The following PDS5A variants were observed in gnomAD, a reference collection of about 807,000 sequenced individuals.
PDS5A encodes the protein sister chromatid cohesion protein PDS5 homolog A.
A neutral mutation model predicts 167.1 loss-of-function variants in PDS5A; 42 were observed. The observed-to-expected ratio is 0.25, with a 90% CI of 0.20 to 0.33. PDS5A has a LOEUF of 0.33. Ranked by LOEUF, PDS5A falls within the 10% of genes least tolerant of loss-of-function variation. The pLI is 1.00. For missense variants in PDS5A, 1,033 were observed against 1,605.9 expected (o/e 0.64, Z 6.10); for synonymous variants, 553 against 554.6 (o/e 1.00, Z 0.04).
intron 2 of PDS5A, among the ~76,000 whole-genome samples, chr4:39,962,278 G>A (rs1477050457): frequency 2.6e-5 from 4 of 151,544 alleles, no homozygotes; most frequent in South Asian, 4.2e-4. Context: ...GGATGGTCTT[G>A]ATCTCCTGAC....
intron 31 of PDS5A, among the ~76,000 whole-genome samples, chr4:39,839,254 T>C (rs997840393): frequency 6.6e-6 from 1 of 151,810 alleles, no homozygotes; most frequent in African/African-American, 2.4e-5. Context: ...CAGAAAGAGT[T>C]TAGATAGCAA....
At position 39,844,779 on chromosome 4, in the gene PDS5A, C is replaced by T. The variant is rs779093536; in HGVS notation, c.3425G>A (p.Gly1142Asp). 6.2e-7 allele frequency: 1 copy of T among 1,608,280 alleles called. No individual in the cohort carries two copies. Among genetic ancestry groups the T allele is most frequent in the Non-Finnish European group, 8.5e-7 (1 of 1,178,472 alleles). Residue 1142 changes from glycine to aspartate, a missense_variant, in exon 30 of 33, where the codon GGT becomes GAT. Physicochemically the swap from Gly to Asp is moderately conservative, Grantham distance 94. Around this residue, in one of 4 missense-constraint regions of PDS5A, gnomAD observed 233 missense variants for 264.0 expected, o/e 0.88. Coordinates refer to ENST00000303538, the MANE Select transcript of PDS5A (RefSeq NM_001100399.2). ...TGCTGATAAAGGCTTATTTACTGCA[C>T]CTAGTACTCCAGCAGGCTTTGGCTA... is the stretch of plus-strand genomic sequence containing the variant. ...TGKPKPAGVL[G>D]AVNKPLSATG...
chr4:39,825,417 C>A lies in PDS5A; in HGVS notation c.*68G>T, dbSNP rs1578551612. ...TTTCTGTTCAGGGACATTTGTGAAT[C>A]CAAGTTTTTGCAGAAGCTGGAGCCT... On this transcript the variant is annotated 3_prime_UTR_variant, in exon 33 of 33. Transcript: ENST00000303538. 1 of 1,392,396 alleles carries A rather than the reference C, an allele frequency of 7.2e-7. No individual in the cohort carries two copies. The allele number at this position is 1,392,396 out of a possible 1,614,324, so 86.3% of individuals were successfully genotyped here.
intron 4 of PDS5A, among the ~76,000 whole-genome samples, chr4:39,926,241 G>A (rs942917153): frequency 6.6e-6 from 1 of 151,936 alleles, no homozygotes; most frequent in Non-Finnish European, 1.5e-5. Flanking sequence ...AAAGATAGAG[G>A]CCGGGCCCGG....
intron 16 of PDS5A, among the ~76,000 whole-genome samples, chr4:39,897,818 T>C (rs1195180210): frequency 4.6e-5 from 7 of 151,778 alleles, no homozygotes; most frequent in African/African-American, 1.7e-4. Context: ...TGAACTATGA[T>C]TGTGCCACTG....
intron 28 of PDS5A, 149 bp downstream of exon 28, chr4:39,848,702 C>A: frequency 1.5e-6 from 1 of 645,994 alleles, no homozygotes; most frequent in Non-Finnish European, 2.7e-6. Context: ...ATGTTCAGGG[C>A]TGTGTAAGAC....
intron 11 of PDS5A, among the ~76,000 whole-genome samples, chr4:39,906,922 A>AC (rs1335647430): frequency 3.1e-4 from 33 of 104,942 alleles, no homozygotes; most frequent in African/African-American, 1.1e-3. Flanking sequence ...TTACATAAAA[A>AC]AAAAAAAAAA....
chr4:39,933,765 C>T (rs1371501908), intron 2 of PDS5A, among the ~76,000 whole-genome samples: 7 of 152,092 alleles, frequency 4.6e-5, no homozygotes, highest in Admixed American at 6.5e-5. Flanking sequence ...TTAAATATGT[C>T]GTTACTGTGC....
intron 21 of PDS5A, among the ~76,000 whole-genome samples, chr4:39,872,172 CTTTTTTTTTT>C (rs35032799): frequency 1.0e-4 from 10 of 95,488 alleles, no homozygotes; most frequent in African/African-American, 3.3e-4. Flanking sequence ...AGTCCACTTA[CTTTTTTTTTT>C]TTTTTTTTTT....
At chr4:39,964,437 C>T (rs909302905) in intron 2 of PDS5A, among the ~76,000 whole-genome samples, 9 of 152,336 alleles carry the variant, frequency 5.9e-5, no homozygotes, top group East Asian at 3.9e-4. Context: ...GACTCAGAGG[C>T]TTATGCCTAT....
intron 2 of PDS5A, among the ~76,000 whole-genome samples, chr4:39,945,553 G>C (rs1052127649): frequency 1.3e-5 from 2 of 151,436 alleles, no homozygotes; most frequent in Non-Finnish European, 1.5e-5. Context: ...TAGTATAGTA[G>C]GAGGAATGCT....
At position 39,920,376 on chromosome 4, in the gene PDS5A, G is replaced by A; in HGVS notation, c.678C>T (p.Asp226=). 2 of 1,541,746 alleles carry A rather than the reference G, an allele frequency of 1.3e-6. No homozygotes were observed. The highest frequency in any genetic ancestry group is 1.4e-5 in the African/African-American group (1 of 73,498). Residue 226 remains aspartate, a synonymous_variant, in exon 7 of 33, where the codon GAC becomes GAT. Transcript: ENST00000303538. ...AHKNLNKQSF[D]LAKVLLKRTV... Reference sequence around the variant, plus strand: ...TTCTTTTCAATAGCACTTTTGCAAGGTCAAAGGACTGTTTATTTAAGTTCT... The same window carrying A: ...TTCTTTTCAATAGCACTTTTGCAAGATCAAAGGACTGTTTATTTAAGTTCT...
intron 26 of PDS5A, among the ~76,000 whole-genome samples, chr4:39,852,080 G>C (rs1003597814): frequency 2.0e-4 from 30 of 152,286 alleles, no homozygotes; most frequent in African/African-American, 6.7e-4. Context: ...AAAAAAGTAT[G>C]ATTGTCTTGT....
chr4:39,823,475 CG>C lies in PDS5A; in HGVS notation c.*2009del, dbSNP rs1560401633. ...TTGGTAATCTAGTAAACTGTGATGCCGGGCAATTAATCAAAGGGAGGAAGAG... is the reference window on the plus strand; with the variant it reads ...TTGGTAATCTAGTAAACTGTGATGCCGGCAATTAATCAAAGGGAGGAAGAG... On this transcript the variant is annotated 3_prime_UTR_variant, in exon 33 of 33. Coordinates refer to ENST00000303538, the MANE Select transcript of PDS5A (RefSeq NM_001100399.2). The C allele has an allele frequency of 6.6e-6, 1 of 152,390 alleles. No homozygotes were observed. The highest frequency in any genetic ancestry group is 2.4e-5 in the African/African-American group (1 of 41,362). 9.4% of individuals were successfully genotyped at this position (152,390 alleles called of 1,614,324 possible). A position where few individuals can be genotyped will look rare whatever the true frequency, so the allele number is the denominator to read the frequency against.
At chr4:39,941,556 G>A (rs1194180762) in intron 2 of PDS5A, among the ~76,000 whole-genome samples, 2 of 152,152 alleles carry the variant, frequency 1.3e-5, no homozygotes, top group African/African-American at 4.8e-5. Context: ...CATTCAAGGT[G>A]AAAACTACAG....
intron 2 of PDS5A, among the ~76,000 whole-genome samples, chr4:39,968,394 G>A (rs958261086): frequency 2.7e-5 from 4 of 149,630 alleles, no homozygotes; most frequent in Non-Finnish European, 4.4e-5. Context: ...TGCCCAGGCT[G>A]GAGTGCAATG....
chr4:39,895,770 T>G (rs1297728816), intron 16 of PDS5A, among the ~76,000 whole-genome samples: 1 of 152,150 alleles, frequency 6.6e-6, no homozygotes, highest in East Asian at 1.9e-4. Flanking sequence ...CAGGCTGGAG[T>G]GCAGTGGCAT....
At chr4:39,955,848 T>A (rs1728874424) in intron 2 of PDS5A, among the ~76,000 whole-genome samples, 1 of 151,654 alleles carries the variant, frequency 6.6e-6, no homozygotes, top group Admixed American at 6.6e-5. Context: ...GGTGTGGTGG[T>A]TCACACCTGT....
At chr4:39,836,793 C>A (rs1341943296) in intron 32 of PDS5A, among the ~76,000 whole-genome samples, 1 of 143,276 alleles carries the variant, frequency 7.0e-6, no homozygotes, top group Non-Finnish European at 1.5e-5. Context: ...AATGTTTTTA[C>A]ACACATGCTT....
Sources: gnomAD v4.1 joint callset for allele counts (sites outside exome capture counted in the v4.1 genomes callset) on GRCh38, gnomAD v4.1.1 for gene constraint, gnomAD v4.1.1 regional missense constraint, MANE v1.5 for transcripts, NCBI Gene and HGNC (gene_info 2026-07-23, HGNC 2026-07-21) for gene names.